FAM81A: variants seen among roughly 807,000 people sequenced by gnomAD.
FAM81A encodes protein FAM81A.
In FAM81A, 19 loss-of-function variants were observed where a neutral mutation model predicts 46.7. The observed-to-expected ratio is 0.41, with a 90% CI of 0.28 to 0.60. FAM81A has a LOEUF of 0.60. Ranked by LOEUF, FAM81A falls within the 20% of genes least tolerant of loss-of-function variation. The probability of loss-of-function intolerance (pLI) is 0.34; values close to 1 mark genes in which losing one functional copy is unlikely to be tolerated. For synonymous variants in FAM81A, 183 were observed against 152.9 expected, an observed-to-expected ratio of 1.20 and a Z score of -1.45; for missense variants, 377 against 453.5, an observed-to-expected ratio of 0.83 and a Z score of 1.53.
intron 3 of FAM81A, among the ~76,000 whole-genome samples, chr15:59,466,171 A>G (rs994899353): frequency 6.6e-6 from 1 of 152,164 alleles, no homozygotes; most frequent in Non-Finnish European, 1.5e-5. Context: ...ATAAACATAC[A>G]TGTGCATGAT....
intron 2 of FAM81A, among the ~76,000 whole-genome samples, chr15:59,427,133 C>T (rs971473399): frequency 3.3e-5 from 5 of 152,110 alleles, no homozygotes; most frequent in Non-Finnish European, 5.9e-5. Flanking sequence ...TTTGGGAGCA[C>T]CGAGTCTCAC....
chr15:59,443,047 T>G (rs2081317425), intron 1 of FAM81A, among the ~76,000 whole-genome samples: 1 of 152,206 alleles, frequency 6.6e-6, no homozygotes, highest in Admixed American at 6.5e-5. Context: ...CCTAATAATG[T>G]CCTTCATGGC....
chr15:59,463,657 A>C (rs2081578800), intron 3 of FAM81A, among the ~76,000 whole-genome samples: 1 of 152,098 alleles, frequency 6.6e-6, no homozygotes, highest in Admixed American at 6.6e-5. Context: ...AGCCTGAGCA[A>C]CATAGTGAGA....
chr15:59,479,906 C>T (rs564978396), intron 3 of FAM81A, among the ~76,000 whole-genome samples: 2 of 152,312 alleles, frequency 1.3e-5, no homozygotes, highest in East Asian at 3.9e-4. Flanking sequence ...GATAAAAGCC[C>T]TTGTCCTTGT....
At chr15:59,518,939 G>GTC (rs1356191218) in intron 8 of FAM81A, among the ~76,000 whole-genome samples, 136 of 125,246 alleles carry the variant, frequency 1.1e-3, no homozygotes, top group African/African-American at 3.8e-3. Flanking sequence ...TTGTGTGTGT[G>GTC]TGTCTGTGTG....
intron 3 of FAM81A, among the ~76,000 whole-genome samples, chr15:59,487,454 A>G (rs1057130038): frequency 6.6e-6 from 1 of 151,620 alleles, no homozygotes; most frequent in Non-Finnish European, 1.5e-5. Context: ...CAATTTAAAA[A>G]AATCAATGAA....
intron 2 of FAM81A, among the ~76,000 whole-genome samples, chr15:59,433,000 G>C (rs2141566682): frequency 6.6e-6 from 1 of 151,250 alleles, no homozygotes; most frequent in East Asian, 1.9e-4. Context: ...AAATTAGCTG[G>C]GCATGGTGGT....
chr15:59,514,355 A>G lies in FAM81A; in HGVS notation c.717A>G (p.Glu239=), dbSNP rs747183729. Residue 239 remains glutamate (E), a synonymous_variant, in exon 7 of 9, where the codon GAA becomes GAG. Coordinates refer to ENST00000288228, the MANE Select transcript of FAM81A (RefSeq NM_152450.3). ...ILSARSWLQQ[E]QERIEKELLQ... is the part of the protein sequence containing the mutation. ...CTGCACGGAGTTGGTTGCAACAGGA[A>G]CAAGAACGGATAGAAAAAGAGCTTT... 2 of 1,613,888 alleles carry G rather than the reference A, an allele frequency of 1.2e-6. No homozygotes were observed. The highest frequency in any genetic ancestry group is 1.7e-5 in the Admixed American group (1 of 60,016).
intron 6 of FAM81A, 25 bp from the exon 7 acceptor site, chr15:59,514,264 C>A (rs918797040): frequency 1.9e-6 from 3 of 1,550,590 alleles, no homozygotes; most frequent in Non-Finnish European, 2.6e-6. Flanking sequence ...TGTTTTACAT[C>A]TAACTTGCAA....
rs533390303 is a variant in FAM81A, at chr15:59,518,391, G to A, written c.982+1551G>A. ...TAGGCCGGGGTGAAGTGGTGTGATC[G>A]TAGCTCACTACAGCCTCCTGGGCTC... is the stretch of plus-strand genomic sequence containing the variant. On this transcript the variant is annotated intron_variant, in intron 8 of 8. Transcript: ENST00000288228. Among the ~76,000 whole-genome samples, 449 of 152,064 alleles carry A rather than the reference G, an allele frequency of 3.0e-3. 5 individuals carry two copies. Among genetic ancestry groups the A allele is most frequent in the African/African-American group, 0.01 (422 of 41,464 alleles).
At chr15:59,419,646 G>A (rs2081162178) in intron 2 of FAM81A, among the ~76,000 whole-genome samples, 1 of 152,146 alleles carries the variant, frequency 6.6e-6, no homozygotes, top group Non-Finnish European at 1.5e-5. Flanking sequence ...GGCCGAGGCG[G>A]GCAGATTGCT....
At chr15:59,477,301 A>T (rs1472929097) in intron 3 of FAM81A, among the ~76,000 whole-genome samples, 3 of 151,910 alleles carry the variant, frequency 2.0e-5, no homozygotes, top group Non-Finnish European at 2.9e-5. Context: ...CTGAGTTTTT[A>T]TTATTATTAT....
Position 59,438,209 on chromosome 15 carries a change from A to G in FAM81A, c.-151A>G, listed in dbSNP as rs1250411041. ...CCGCAGCCGGGCGCCCTGCTCAGCC[A>G]GCGCCAGCGGCCGCCGCACCCAGCC... On this transcript the variant is annotated 5_prime_UTR_variant, in exon 1 of 9. Coordinates refer to ENST00000288228, the MANE Select transcript of FAM81A (RefSeq NM_152450.3). 3 of 146,888 alleles carry G rather than the reference A, an allele frequency of 2.0e-5. No homozygotes were observed. The highest frequency in any genetic ancestry group is 7.3e-5 in the African/African-American group (3 of 40,844). The allele number at this position is 146,888 out of a possible 1,614,324, so 9.1% of individuals were successfully genotyped here. A position where few individuals can be genotyped will look rare whatever the true frequency, so the allele number is the denominator to read the frequency against.
At chr15:59,515,472 C>T (rs1468593957) in intron 7 of FAM81A, among the ~76,000 whole-genome samples, 1 of 152,052 alleles carries the variant, frequency 6.6e-6, no homozygotes, top group African/African-American at 2.4e-5. Flanking sequence ...TGTTGAATTG[C>T]AGACTCTGCA....
chr15:59,464,835 A>G (rs1194488454), intron 3 of FAM81A, among the ~76,000 whole-genome samples: 1 of 151,776 alleles, frequency 6.6e-6, no homozygotes, highest in African/African-American at 2.4e-5. Context: ...CCATTTGTTT[A>G]TTTTTGCTTT....
intron 3 of FAM81A, among the ~76,000 whole-genome samples, chr15:59,466,964 G>A (rs1332541360): frequency 1.1e-4 from 16 of 151,930 alleles, no homozygotes; most frequent in African/African-American, 1.9e-4. Context: ...TAAATAGGGC[G>A]TCCTTTCCCC....
At position 59,492,324 on chromosome 15, in the gene FAM81A, T is replaced by A; in HGVS notation, c.348T>A (p.Ser116=). Reference sequence around the variant, plus strand: ...ACAACATTAGCTATGGAACTAATTCTGCCTTAAAGACCCTGGAGATGCGCC... The same window carrying A: ...ACAACATTAGCTATGGAACTAATTCAGCCTTAAAGACCCTGGAGATGCGCC... The part of the protein sequence containing the change: ...ARDNISYGTN[S]ALKTLEMRQL... The change falls in exon 4 of 9, where the codon TCT becomes TCA. Residue 116 remains serine (S), a synonymous_variant. Coordinates refer to ENST00000288228, the MANE Select transcript of FAM81A (RefSeq NM_152450.3). 6.2e-7 allele frequency: 1 copy of A among 1,613,902 alleles called. No homozygotes were observed. The highest frequency in any genetic ancestry group is 8.5e-7 in the Non-Finnish European group (1 of 1,179,840).
At chr15:59,477,615 G>A (rs371765207) in intron 3 of FAM81A, among the ~76,000 whole-genome samples, 9 of 152,170 alleles carry the variant, frequency 5.9e-5, no homozygotes, top group African/African-American at 1.9e-4. Flanking sequence ...ATCCTCAAGA[G>A]CTAGAACAGA....
At chr15:59,430,771 A>G (rs1357126530) in intron 2 of FAM81A, among the ~76,000 whole-genome samples, 6 of 152,210 alleles carry the variant, frequency 3.9e-5, no homozygotes, top group African/African-American at 7.2e-5. Context: ...GTTGAAAACT[A>G]CATGTAAGGA....
Sources: allele counts gnomAD v4.1 joint callset (sites outside exome capture counted in the v4.1 genomes callset), GRCh38; gene constraint gnomAD v4.1.1; transcripts MANE v1.5; gene names NCBI Gene and HGNC (gene_info 2026-07-23, HGNC 2026-07-21).